The following ARFGEF2 variants were observed in gnomAD, a reference collection of about 807,000 sequenced individuals.
The protein encoded by ARFGEF2 is ARF guanine nucleotide exchange factor 2.
ARFGEF2 carries 74 observed loss-of-function variants against 219.9 expected under a neutral mutation model. That is an observed-to-expected ratio of 0.34 (90% CI 0.28 to 0.41). ARFGEF2 has a LOEUF of 0.41. ARFGEF2 is among the 10% of genes least tolerant of loss of function. The pLI is 1.00. For missense variants in ARFGEF2, 1,743 were observed against 2,218.3 expected (o/e 0.79, Z 4.30); for synonymous variants, 733 against 799.2 (o/e 0.92, Z 1.40).
At chr20:49,013,298 C>CA (rs1227219728) in intron 28 of ARFGEF2, among the ~76,000 whole-genome samples, 5 of 152,004 alleles carry the variant, frequency 3.3e-5, no homozygotes, top group African/African-American at 1.2e-4. Flanking sequence ...CTTAGTATAA[C>CA]ACCTCCCACC....
At position 48,923,524 on chromosome 20, in the gene ARFGEF2, G is replaced by A. The variant is rs146408660; in HGVS notation, c.121+1514G>A. On this transcript the variant is annotated intron_variant, in intron 1 of 38. Transcript: ENST00000371917. ...CTAGTCCGTGAAATTCAGGATCAGT[G>A]GAAGGAATTTACTGAGATGTAGATT... 1.3e-3 allele frequency among the ~76,000 whole-genome samples: 196 copies of A among 152,272 alleles called. 3 individuals are homozygous for A. The highest frequency in any genetic ancestry group is 6.8e-3 in the Middle Eastern group (2 of 294).
Position 49,012,338 on chromosome 20 carries a change from AT to A in ARFGEF2, c.3918+258del, listed in dbSNP as rs2091504688. 2.6e-5 allele frequency among the ~76,000 whole-genome samples: 4 copies of A among 152,286 alleles called. No homozygotes were observed. In the South Asian group the frequency reaches 8.3e-4, roughly 32 times the overall value. On this transcript the variant is annotated intron_variant, in intron 28 of 38. Coordinates refer to ENST00000371917, the MANE Select transcript of ARFGEF2 (RefSeq NM_006420.3). Reference sequence around the variant, plus strand: ...AATTGTTTTTGTAGAAGTTAGTTGTATTTTAGCTTTTGTATTTTGGCAAAGC... The same window carrying A: ...AATTGTTTTTGTAGAAGTTAGTTGTATTTAGCTTTTGTATTTTGGCAAAGC...
chr20:48,929,591 G>C (rs765908827), intron 1 of ARFGEF2, among the ~76,000 whole-genome samples: 11 of 152,214 alleles, frequency 7.2e-5, no homozygotes, highest in Non-Finnish European at 1.0e-4. Context: ...AAAGAAACCT[G>C]GTTCTGCCAG....
intron 36 of ARFGEF2, among the ~76,000 whole-genome samples, chr20:49,026,640 C>T (rs1235917416): frequency 2.1e-5 from 3 of 146,058 alleles, no homozygotes; most frequent in Admixed American, 7.1e-5. Flanking sequence ...GGCTGGAGTG[C>T]AGTGGCGCAG....
chr20:48,979,945 AT>A (rs73623292), intron 14 of ARFGEF2, among the ~76,000 whole-genome samples: 9 of 149,800 alleles, frequency 6.0e-5, no homozygotes, highest in African/African-American at 2.2e-4. Flanking sequence ...GGATTCGTTG[AT>A]TTTTTTTTGA....
chr20:48,938,967 G>GTTTT (rs199950635), intron 1 of ARFGEF2, among the ~76,000 whole-genome samples: 26 of 143,148 alleles, frequency 1.8e-4, no homozygotes, highest in East Asian at 4.3e-4. Flanking sequence ...TGTTTTATGG[G>GTTTT]TTTTTTTTGT....
intron 4 of ARFGEF2, among the ~76,000 whole-genome samples, chr20:48,952,148 CTTTTTTTTTTTT>C (rs11475141): frequency 9.5e-4 from 53 of 55,512 alleles, no homozygotes; most frequent in African/African-American, 3.8e-3. Flanking sequence ...GAAGTTTGGC[CTTTTTTTTTTTT>C]TTTTTTTTTT....
intron 1 of ARFGEF2, among the ~76,000 whole-genome samples, chr20:48,938,742 C>T (rs142905021): frequency 2.6e-5 from 4 of 152,212 alleles, no homozygotes; most frequent in Non-Finnish European, 2.9e-5. Flanking sequence ...ATCTGGATTT[C>T]GACCTCTGGA....
chr20:49,009,386 G>A (rs1416087319), intron 26 of ARFGEF2, among the ~76,000 whole-genome samples: 1 of 151,866 alleles, frequency 6.6e-6, no homozygotes, highest in East Asian at 1.9e-4. Flanking sequence ...GGAGGCAGAG[G>A]TTGCAATGAG....
intron 10 of ARFGEF2, among the ~76,000 whole-genome samples, 153 bp from the exon 11 acceptor site, chr20:48,972,173 C>G (rs554999208): frequency 4.7e-4 from 72 of 152,308 alleles, no homozygotes; most frequent in African/African-American, 1.7e-3. Context: ...GGCCAGGGTC[C>G]CGTTGCTGCC....
At chr20:48,932,312 A>G (rs2090918128) in intron 1 of ARFGEF2, among the ~76,000 whole-genome samples, 1 of 152,162 alleles carries the variant, frequency 6.6e-6, no homozygotes, top group African/African-American at 2.4e-5. Context: ...TTGTGAGTAA[A>G]GAGGACGGCA....
intron 34 of ARFGEF2, 25 bp from the exon 35 acceptor site, chr20:49,023,026 G>C: frequency 6.2e-7 from 1 of 1,613,860 alleles, no homozygotes; most frequent in East Asian, 2.2e-5. Flanking sequence ...TCATTATTAG[G>C]GTTAATCTTT....
chr20:49,004,036 G>A (rs2091440755), intron 25 of ARFGEF2, among the ~76,000 whole-genome samples: 1 of 152,116 alleles, frequency 6.6e-6, no homozygotes, highest in Admixed American at 6.6e-5. Context: ...GGGAGATGTT[G>A]TTTAATGGAT....
In ARFGEF2 at chr20:48,968,446, A is replaced by G. The variant is rs566248241; in HGVS notation, c.1060-701A>G. ...TTTTACTTTTTTTTTTTGGTCACCCAGGCTGGAGTGCAGTGCCGCGATCTC... is the reference window on the plus strand; with the variant it reads ...TTTTACTTTTTTTTTTTGGTCACCCGGGCTGGAGTGCAGTGCCGCGATCTC... On this transcript the variant is annotated intron_variant, in intron 8 of 38. Transcript: ENST00000371917. Among the ~76,000 whole-genome samples, 10 of 150,698 alleles carry G rather than the reference A, an allele frequency of 6.6e-5. No homozygotes were observed. The South Asian group carries it at 1.9e-3, about 28-fold the overall frequency.
intron 34 of ARFGEF2, among the ~76,000 whole-genome samples, chr20:49,019,471 CTTAA>C (rs1239362503): frequency 1.3e-5 from 2 of 152,142 alleles, no homozygotes; most frequent in Admixed American, 1.3e-4. Context: ...GCATTTATTG[CTTAA>C]TTGAGTTGCT....
intron 26 of ARFGEF2, among the ~76,000 whole-genome samples, chr20:49,007,257 C>T (rs1428097704): frequency 6.6e-6 from 1 of 151,676 alleles, no homozygotes. Flanking sequence ...GTCTGCTATT[C>T]CCCTAAAAAG....
At chr20:48,976,223 G>T in intron 14 of ARFGEF2, 24 bp downstream of exon 14, 1 of 1,613,036 alleles carries the variant, frequency 6.2e-7, no homozygotes, top group Non-Finnish European at 8.5e-7. Flanking sequence ...CCGTTAACTA[G>T]CAGGGATTCT....
chr20:48,953,888 T>G, intron 6 of ARFGEF2, 98 bp downstream of exon 6: 17 of 1,180,796 alleles, frequency 1.4e-5, no homozygotes, highest in Non-Finnish European at 1.7e-5. Context: ...GAAGGAAACC[T>G]CTGATAACAG....
At chr20:48,929,556 A>G (rs1351995836) in intron 1 of ARFGEF2, among the ~76,000 whole-genome samples, 1 of 87,860 alleles carries the variant, frequency 1.1e-5, no homozygotes, top group African/African-American at 3.1e-5. Context: ...CTAGGTCATA[A>G]TAACAACCCG....
Sources: allele counts gnomAD v4.1 joint callset (sites outside exome capture counted in the v4.1 genomes callset), GRCh38; gene constraint gnomAD v4.1.1; transcripts MANE v1.5; gene names NCBI Gene and HGNC (gene_info 2026-07-23, HGNC 2026-07-21).